The following KLHL13 variants were observed in gnomAD, a reference collection of about 807,000 sequenced individuals.
The protein encoded by KLHL13 is kelch like family member 13, also known as kelch-like protein 13.
In KLHL13, 10 loss-of-function variants were observed where a neutral mutation model predicts 37.1. The observed-to-expected ratio is 0.27, with a 90% CI of 0.17 to 0.46. KLHL13 has a LOEUF of 0.46. KLHL13 is among the 20% of genes least tolerant of loss of function. KLHL13 has a pLI of 1.00. For missense variants in KLHL13, 360 were observed against 509.3 expected (o/e 0.71, Z 2.82); for synonymous variants, 163 against 181.2 (o/e 0.90, Z 0.81).
At chrX:118,048,299 CAT>C (rs2054579849) in intron 1 of KLHL13, among the ~76,000 whole-genome samples, 1 of 111,628 alleles carries the variant, frequency 9.0e-6, no homozygotes, top group South Asian at 3.7e-4. Context: ...AACAAGTACA[CAT>C]ATGTACACAC....
At chrX:117,942,613 G>C (rs940999218) in intron 2 of KLHL13, among the ~76,000 whole-genome samples, 5 of 110,947 alleles carry the variant, frequency 4.5e-5, no homozygotes, top group Admixed American at 1.9e-4. Context: ...TATCTTTGTT[G>C]GTTTAAAGTC....
Position 118,069,126 on chromosome X carries a change from C to CAG in KLHL13, c.-56+47381_-56+47382insCT, listed in dbSNP as rs1428628721. Among the ~76,000 whole-genome samples, 947 of 108,586 alleles carry CAG rather than the reference C, an allele frequency of 8.7e-3. 16 individuals carry two copies. Among genetic ancestry groups the CAG allele is most frequent in the African/African-American group, 0.03 (874 of 29,348 alleles). 94.3% of individuals were successfully genotyped at this position (108,586 alleles called of 115,157 possible). On this transcript the variant is annotated intron_variant, in intron 1 of 6. Transcript: ENST00000371882. Reference sequence around the variant, plus strand: ...CAGAAGAGTCACACACACACACACACACACACACACACACACACACACCCT... The same window carrying CAG: ...CAGAAGAGTCACACACACACACACACAGACACACACACACACACACACACCCT...
At chrX:117,985,857 T>A (rs2053719476) in intron 1 of KLHL13, among the ~76,000 whole-genome samples, 1 of 111,252 alleles carries the variant, frequency 9.0e-6, no homozygotes, top group African/African-American at 3.3e-5. Context: ...CCCTACTGTT[T>A]TTTTTAAACA....
chrX:118,053,765 T>TTGTGTG (rs774059071), intron 1 of KLHL13, among the ~76,000 whole-genome samples: 52 of 67,911 alleles, frequency 7.7e-4, no homozygotes, highest in African/African-American at 3.1e-3. Flanking sequence ...CAATCTCAAT[T>TTGTGTG]TGTGTGTGTG....
At position 117,991,137 on chromosome X, in the gene KLHL13, T is replaced by TAAAAAAAAAAAA. The variant is rs750755409; in HGVS notation, c.-55-45574_-55-45563dup. ...AAGGCTGGAAATTTTCATTAAAAAG[T>TAAAAAAAAAAAA]AAAAAAAAAAAAGTCTTATAAATGA... On this transcript the variant is annotated intron_variant, in intron 1 of 6. Transcript: ENST00000371882. Among the ~76,000 whole-genome samples, 100 of 83,866 alleles carry TAAAAAAAAAAAA rather than the reference T, an allele frequency of 1.2e-3. 9 individuals carry two copies. The highest frequency in any genetic ancestry group is 7.2e-3 in the African/African-American group (96 of 13,313). The allele number at this position is 83,866 out of a possible 115,157, so 72.8% of individuals were successfully genotyped here. A position where few individuals can be genotyped will look rare whatever the true frequency, so the allele number is the denominator to read the frequency against.
At chrX:118,110,659 G>T (rs995696572) in intron 1 of KLHL13, among the ~76,000 whole-genome samples, 1 of 111,217 alleles carries the variant, frequency 9.0e-6, no homozygotes, top group Non-Finnish European at 1.9e-5. Flanking sequence ...TTACAGGCGT[G>T]AGCCACCATG....
intron 2 of KLHL13, among the ~76,000 whole-genome samples, chrX:117,929,920 C>A (rs1932313444): frequency 9.2e-6 from 1 of 108,940 alleles, no homozygotes; most frequent in Non-Finnish European, 1.9e-5. Context: ...CAAAATCATG[C>A]AACTGCACTC....
At chrX:118,089,909 T>C (rs950609574) in intron 1 of KLHL13, among the ~76,000 whole-genome samples, 18 of 109,362 alleles carry the variant, frequency 1.6e-4, no homozygotes, top group African/African-American at 6.0e-4. Context: ...TGAAACCCCG[T>C]CTCTACTAAA....
intron 1 of KLHL13, among the ~76,000 whole-genome samples, chrX:118,064,228 G>T (rs2054772163): frequency 9.0e-6 from 1 of 111,458 alleles, no homozygotes. Context: ...TATATTTTCT[G>T]ATTTTTCACT....
At chrX:117,985,781 C>T (rs1428295159) in intron 1 of KLHL13, among the ~76,000 whole-genome samples, 1 of 110,786 alleles carries the variant, frequency 9.0e-6, no homozygotes, top group Non-Finnish European at 1.9e-5. Context: ...TTCCCTCTCT[C>T]TTGCCCATAG....
chrX:118,093,423 C>T (rs1352664483), intron 1 of KLHL13, among the ~76,000 whole-genome samples: 1 of 111,660 alleles, frequency 9.0e-6, no homozygotes, highest in Admixed American at 9.5e-5. Context: ...TGAAGTAACA[C>T]AAGTAGCAAA....
rs1932601520 is a variant in KLHL13 at position 117,933,824 on chromosome X, G to A, written c.240+11610C>T. Among the ~76,000 whole-genome samples the A allele has an allele frequency of 2.7e-5, 3 of 110,912 alleles. No homozygotes were observed. The South Asian group carries it at 1.1e-3, about 42-fold the overall frequency. On this transcript the variant is annotated intron_variant, in intron 2 of 6. Transcript: ENST00000262820. ...TAGACCTTGAGGAGCTCACTGATAG[G>A]TGATATTTATAACAGATAAAATGTA...
intron 1 of KLHL13, among the ~76,000 whole-genome samples, chrX:118,092,180 C>T (rs73215070): frequency 8.9e-6 from 1 of 111,745 alleles, no homozygotes; most frequent in Non-Finnish European, 1.9e-5. Flanking sequence ...TGTAATCAAA[C>T]ACCACCTGTT....
At chrX:117,966,441 G>A (rs182063654) in intron 1 of KLHL13, among the ~76,000 whole-genome samples, 3 of 109,926 alleles carry the variant, frequency 2.7e-5, no homozygotes, top group African/African-American at 6.7e-5. Flanking sequence ...CATTCCATGC[G>A]CATGGGTAGG....
At chrX:117,918,891 A>T (rs1198086832) in intron 4 of KLHL13, among the ~76,000 whole-genome samples, 1 of 112,325 alleles carries the variant, frequency 8.9e-6, no homozygotes, top group Non-Finnish European at 1.9e-5. Flanking sequence ...CCATTCAATT[A>T]CATTTAAGAA....
At chrX:117,949,055 G>A (rs140096370) in intron 1 of KLHL13, among the ~76,000 whole-genome samples, 9,464 of 111,690 alleles carry the variant, frequency 0.085, 347 homozygotes, top group Middle Eastern at 0.14. Context: ...TTACCCGAAC[G>A]GAAACATGTA....
rs779381626 is a variant in KLHL13 at position 118,086,662 on chromosome X, G to T, written c.-56+29846C>A. Among the ~76,000 whole-genome samples the T allele has an allele frequency of 3.6e-5, 4 of 111,704 alleles. No individual in the cohort carries two copies. In the East Asian group the frequency reaches 1.1e-3, roughly 31 times the overall value. ...GTACTTCCATTTGTGTTTAAAAGAG[G>T]ATATACACACATGCTTGTATTTGCA... On this transcript the variant is annotated intron_variant, in intron 1 of 6. Coordinates refer to the KLHL13 transcript ENST00000371882.
At chrX:118,096,395 T>G (rs1485836809) in intron 1 of KLHL13, among the ~76,000 whole-genome samples, 7 of 111,729 alleles carry the variant, frequency 6.3e-5, no homozygotes, top group Non-Finnish European at 1.3e-4. Context: ...GTTGAATCTC[T>G]GAATAGACCA....
At chrX:118,064,914 G>A (rs1184687552) in intron 1 of KLHL13, among the ~76,000 whole-genome samples, 1 of 111,526 alleles carries the variant, frequency 9.0e-6, no homozygotes, top group African/African-American at 3.3e-5. Context: ...CACAATAAAT[G>A]TTGGGTCTCA....
Sources: gnomAD v4.1 joint callset for allele counts (sites outside exome capture counted in the v4.1 genomes callset) on GRCh38, gnomAD v4.1.1 for gene constraint, MANE v1.5 for transcripts, NCBI Gene and HGNC (gene_info 2026-07-23, HGNC 2026-07-21) for gene names.